The following CLCN4 variants were observed in gnomAD, a reference collection of about 807,000 sequenced individuals.
The protein encoded by CLCN4 is H(+)/Cl(-) exchange transporter 4.
Under a neutral mutation model 41.7 loss-of-function variants are expected in CLCN4, and 1 was observed. The observed-to-expected ratio is 0.02, with a 90% CI of 0.01 to 0.11. The LOEUF is 0.11. Among genes scored for constraint, CLCN4 ranks in the 10% least tolerant of loss-of-function variants. The pLI is 1.00. For synonymous variants in CLCN4, 277 were observed against 285.8 expected, an observed-to-expected ratio of 0.97 and a Z score of 0.31; for missense variants, 287 against 661.0, an observed-to-expected ratio of 0.43 and a Z score of 6.20.
chrX:10,210,224 T>G (rs1210842156), intron 9 of CLCN4, among the ~76,000 whole-genome samples: 1 of 112,439 alleles, frequency 8.9e-6, no homozygotes, highest in Non-Finnish European at 1.9e-5. Flanking sequence ...CACATTTTGT[T>G]TATCCACTCA....
intron 2 of CLCN4, among the ~76,000 whole-genome samples, chrX:10,163,970 A>G (rs746604797): frequency 8.9e-6 from 1 of 112,859 alleles, no homozygotes; most frequent in African/African-American, 3.2e-5. Flanking sequence ...CAGTTGGTTG[A>G]GTCCTACAAG....
chrX:10,166,595 G>A (rs1388101001), intron 2 of CLCN4, among the ~76,000 whole-genome samples: 1 of 111,874 alleles, frequency 8.9e-6, no homozygotes, highest in Non-Finnish European at 1.9e-5. Context: ...CCCTCACTGT[G>A]TGTGAGACTT....
chrX:10,163,067 T>C (rs1439115168), intron 2 of CLCN4, among the ~76,000 whole-genome samples: 1 of 113,645 alleles, frequency 8.8e-6, no homozygotes, highest in Admixed American at 9.2e-5. Flanking sequence ...ACTGAATAGG[T>C]CTGGGGGTGA....
At chrX:10,189,228 A>G (rs888756729) in intron 4 of CLCN4, among the ~76,000 whole-genome samples, 1 of 112,132 alleles carries the variant, frequency 8.9e-6, no homozygotes. Flanking sequence ...AGGGTAAATG[A>G]AGAAACTCAG....
intron 6 of CLCN4, among the ~76,000 whole-genome samples, chrX:10,202,333 C>T (rs993277260): frequency 5.4e-5 from 6 of 110,843 alleles, no homozygotes; most frequent in East Asian, 2.9e-4. Context: ...AATTAGCCGG[C>T]GTGGTGGCAC....
chrX:10,184,820 A>C (rs1923768579), intron 2 of CLCN4, among the ~76,000 whole-genome samples: 1 of 112,390 alleles, frequency 8.9e-6, no homozygotes, highest in Non-Finnish European at 1.9e-5. Flanking sequence ...TTCAGTATTC[A>C]GTAATTCAGT....
chrX:10,224,050 G>A (rs1287314885), intron 12 of CLCN4, among the ~76,000 whole-genome samples: 1 of 111,850 alleles, frequency 8.9e-6, no homozygotes, highest in Non-Finnish European at 1.9e-5. Context: ...CTGGGTTGAT[G>A]TTCAGCTTTC....
chrX:10,224,586 T>TTTTAA (rs894137619), intron 12 of CLCN4, among the ~76,000 whole-genome samples: 1 of 111,164 alleles, frequency 9.0e-6, no homozygotes, highest in Non-Finnish European at 1.9e-5. Flanking sequence ...GTTTTTTCTT[T>TTTTAA]TTTAATTTAA....
chrX:10,225,041 T>G (rs983855139), intron 12 of CLCN4, among the ~76,000 whole-genome samples: 1 of 112,172 alleles, frequency 8.9e-6, no homozygotes, highest in East Asian at 2.8e-4. Context: ...TGAATGGTGC[T>G]GCAGCGAACA....
chrX:10,212,783 T>A, intron 10 of CLCN4, 130 bp downstream of exon 10: 1 of 550,406 alleles, frequency 1.8e-6, no homozygotes, highest in Non-Finnish European at 2.9e-6. Flanking sequence ...CTATAACAAG[T>A]AAACCCCTAA....
chrX:10,190,870 A>G (rs1362397686), intron 4 of CLCN4, among the ~76,000 whole-genome samples: 1 of 112,202 alleles, frequency 8.9e-6, no homozygotes. Flanking sequence ...GTATATTTGG[A>G]ATCAAGTCTT....
intron 9 of CLCN4, among the ~76,000 whole-genome samples, chrX:10,209,565 G>A (rs761885699): frequency 1.6e-4 from 18 of 109,594 alleles, no homozygotes; most frequent in Admixed American, 1.4e-3. Flanking sequence ...CTCTTGCTGT[G>A]TTGCCCTGGC....
chrX:10,199,030 G>A (rs1346702608), intron 6 of CLCN4, among the ~76,000 whole-genome samples: 1 of 112,066 alleles, frequency 8.9e-6, no homozygotes, highest in Non-Finnish European at 1.9e-5. Flanking sequence ...GACAATCAGA[G>A]GCAAAATTCA....
At chrX:10,163,255 G>T (rs1923154281) in intron 2 of CLCN4, among the ~76,000 whole-genome samples, 1 of 112,721 alleles carries the variant, frequency 8.9e-6, no homozygotes, top group Non-Finnish European at 1.9e-5. Flanking sequence ...GGGAAGAGGT[G>T]TGTGGGGACA....
intron 12 of CLCN4, among the ~76,000 whole-genome samples, chrX:10,229,525 C>G (rs1308536851): frequency 9.1e-6 from 1 of 109,413 alleles, no homozygotes; most frequent in Non-Finnish European, 1.9e-5. Flanking sequence ...GGTATATCTC[C>G]TAATGCTATC....
rs760965924 is a variant in CLCN4 at position 10,236,224 on chromosome X, A to G, written c.*2640A>G. 1 of 111,646 alleles carries G rather than the reference A, an allele frequency of 9.0e-6. No homozygotes were observed. The highest frequency in any genetic ancestry group is 2.8e-4 in the East Asian group (1 of 3,534). The allele number at this position is 111,646 out of a possible 1,213,427, so 9.2% of individuals were successfully genotyped here. ...TGAGGCCATGGGGGGGAATGAGGGGAAATTATGCTTCCGGGCCAAGGTCAC... is the reference window on the plus strand; with the variant it reads ...TGAGGCCATGGGGGGGAATGAGGGGGAATTATGCTTCCGGGCCAAGGTCAC... On this transcript the variant is annotated 3_prime_UTR_variant, in exon 13 of 13. Coordinates refer to ENST00000380833, the MANE Select transcript of CLCN4 (RefSeq NM_001830.4).
intron 2 of CLCN4, among the ~76,000 whole-genome samples, chrX:10,179,510 T>C (rs1159714039): frequency 9.0e-6 from 1 of 111,183 alleles, no homozygotes; most frequent in African/African-American, 3.3e-5. Flanking sequence ...ATGTCAGGCA[T>C]AGATTCATGT....
At position 10,237,224 on chromosome X, in the gene CLCN4, T is replaced by G. The variant is rs1288829280; in HGVS notation, c.*3640T>G. ...CTTTAAATTACCAACATGTGCAAAT[T>G]CTACTTAGTATTCATTATTAGATGC... On this transcript the variant is annotated 3_prime_UTR_variant, in exon 13 of 13. Coordinates refer to ENST00000380833, the MANE Select transcript of CLCN4 (RefSeq NM_001830.4). 1 of 112,495 alleles carries G rather than the reference T, an allele frequency of 8.9e-6. No individual in the cohort carries two copies. Among genetic ancestry groups the G allele is most frequent in the Non-Finnish European group, 1.9e-5 (1 of 53,347 alleles). 9.3% of individuals were successfully genotyped at this position (112,495 alleles called of 1,213,427 possible).
At chrX:10,197,852 T>G in intron 5 of CLCN4, 87 bp from the exon 6 acceptor site, 1 of 1,120,561 alleles carries the variant, frequency 8.9e-7, no homozygotes, top group South Asian at 2.0e-5. Flanking sequence ...AAGCTTTTGT[T>G]GTCAAGACAG....
Sources: allele counts gnomAD v4.1 joint callset (sites outside exome capture counted in the v4.1 genomes callset), GRCh38; gene constraint gnomAD v4.1.1; transcripts MANE v1.5; gene names NCBI Gene and HGNC (gene_info 2026-07-23, HGNC 2026-07-21).